PLEKHA6: variants seen among roughly 807,000 people sequenced by gnomAD.
PLEKHA6 encodes pleckstrin homology domain containing A6, also known as pleckstrin homology domain-containing family A member 6.
In PLEKHA6, 60 loss-of-function variants were observed where a neutral mutation model predicts 116.7. The observed-to-expected ratio is 0.51, with a 90% CI of 0.42 to 0.64. PLEKHA6 has a LOEUF of 0.64. Ranked by LOEUF, PLEKHA6 falls within the 30% of genes least tolerant of loss-of-function variation. PLEKHA6 has a pLI of 0.00. For synonymous variants in PLEKHA6, 489 were observed against 556.1 expected (o/e 0.88, Z 1.70); for missense variants, 1,338 against 1,422.7 (o/e 0.94, Z 0.96).
intron 13 of PLEKHA6, among the ~76,000 whole-genome samples, chr1:204,246,996 C>A (rs1208098190): frequency 6.6e-6 from 1 of 152,112 alleles, no homozygotes; most frequent in Non-Finnish European, 1.5e-5. Context: ...ACTAGCCAAG[C>A]ATGGTGGTTC....
intron 1 of PLEKHA6, among the ~76,000 whole-genome samples, chr1:204,281,962 C>T (rs1458912046): frequency 6.6e-6 from 1 of 152,172 alleles, no homozygotes; most frequent in African/African-American, 2.4e-5. Context: ...TACGTGAGCT[C>T]AGCTCCCACC....
chr1:204,260,593 T>A (rs946006041), intron 7 of PLEKHA6, among the ~76,000 whole-genome samples: 1 of 152,232 alleles, frequency 6.6e-6, no homozygotes, highest in Non-Finnish European at 1.5e-5. Flanking sequence ...CTTCCCAAAC[T>A]CCACATATTC....
intron 1 of PLEKHA6, among the ~76,000 whole-genome samples, chr1:204,324,756 T>G (rs1460082328): frequency 6.6e-6 from 1 of 152,142 alleles, no homozygotes; most frequent in African/African-American, 2.4e-5. Context: ...TTACTAAACC[T>G]TCCATAGATA....
chr1:204,237,881 C>A (rs1255321511), intron 17 of PLEKHA6, among the ~76,000 whole-genome samples: 1 of 152,224 alleles, frequency 6.6e-6, no homozygotes, highest in Non-Finnish European at 1.5e-5. Context: ...AAGTAGCAAA[C>A]ACACTGGACT....
chr1:204,333,679 C>T (rs1161004859), intron 1 of PLEKHA6, among the ~76,000 whole-genome samples: 2 of 152,148 alleles, frequency 1.3e-5, no homozygotes, highest in Non-Finnish European at 2.9e-5. Flanking sequence ...CTCTCTCACC[C>T]GCTTCAGCAG....
At chr1:204,281,296 C>T (rs529553867) in intron 1 of PLEKHA6, among the ~76,000 whole-genome samples, 28 of 152,234 alleles carry the variant, frequency 1.8e-4, no homozygotes, top group African/African-American at 6.0e-4. Flanking sequence ...GAGGCAGAGG[C>T]GGGCAGATCA....
chr1:204,267,316 G>A (rs1009509791), intron 5 of PLEKHA6, among the ~76,000 whole-genome samples, 159 bp downstream of exon 5: 1 of 152,148 alleles, frequency 6.6e-6, no homozygotes, highest in African/African-American at 2.4e-5. Context: ...GAACAAGTGA[G>A]CTTTGTTTTT....
upstream of PLEKHA6, among the ~76,000 whole-genome samples, chr1:204,362,924 C>A (rs10494853): frequency 2.3e-4 from 35 of 152,142 alleles, no homozygotes; most frequent in Non-Finnish European, 4.4e-4. Flanking sequence ...CTTGACTATC[C>A]AGCCTGTTTT....
intron 3 of PLEKHA6, among the ~76,000 whole-genome samples, chr1:204,272,829 C>T (rs1280521723): frequency 6.6e-6 from 1 of 152,218 alleles, no homozygotes; most frequent in Admixed American, 6.5e-5. Context: ...CAGGATTTAT[C>T]CTTGTTAATA....
chr1:204,327,747 C>G (rs1170800724), intron 1 of PLEKHA6, among the ~76,000 whole-genome samples: 1 of 152,260 alleles, frequency 6.6e-6, no homozygotes, highest in Non-Finnish European at 1.5e-5. Context: ...GGGCAAGAGA[C>G]AGCCCAGGCC....
At chr1:204,245,958 G>C (rs1004453194) in intron 13 of PLEKHA6, among the ~76,000 whole-genome samples, 2 of 152,158 alleles carry the variant, frequency 1.3e-5, no homozygotes, top group African/African-American at 4.8e-5. Context: ...AATTGCCCGA[G>C]TTTCTGAACC....
At chr1:204,347,397 C>G in intron 1 of PLEKHA6, 2 of 549,482 alleles carry the variant, frequency 3.6e-6, no homozygotes, top group Non-Finnish European at 6.5e-6. Flanking sequence ...CTAAACACTG[C>G]TGTTATCCTG....
chr1:204,350,438 T>G (rs1293949404), intron 1 of PLEKHA6, among the ~76,000 whole-genome samples: 1 of 152,214 alleles, frequency 6.6e-6, no homozygotes, highest in African/African-American at 2.4e-5. Flanking sequence ...AAGAGCCATG[T>G]CTCTAATTTG....
At chr1:204,249,285 G>C in intron 10 of PLEKHA6, 21 bp from the exon 11 acceptor site, 2 of 1,540,174 alleles carry the variant, frequency 1.3e-6, no homozygotes, top group Middle Eastern at 3.4e-4. Context: ...AGAGAGTGGA[G>C]AAGGAGAGGG....
At chr1:204,363,569 G>C (rs1046377345), upstream of PLEKHA6, among the ~76,000 whole-genome samples, 1 of 152,218 alleles carries the variant, frequency 6.6e-6, no homozygotes, top group Admixed American at 6.5e-5. Context: ...CTTGGGGACA[G>C]AACTGGCCAG....
rs1184201505 is a variant in PLEKHA6 at position 204,304,765 on chromosome 1, A to T, written c.-94-29956T>A. On this transcript the variant is annotated intron_variant, in intron 1 of 22. Coordinates refer to ENST00000272203, the MANE Select transcript of PLEKHA6 (RefSeq NM_014935.5). ...CCTTTTAGCTTGAGCCTAAAAATTA[A>T]GAGAAAGATCCTACGCTTTTGGGAT... 2.0e-5 allele frequency among the ~76,000 whole-genome samples: 3 copies of T among 152,248 alleles called. No homozygotes were observed. In the East Asian group the frequency reaches 5.8e-4, roughly 29 times the overall value.
chr1:204,261,352 G>A lies in PLEKHA6; in HGVS notation c.478C>T (p.Gln160Ter). Reference sequence around the variant, plus strand: ...ACTGACTTCTGGGCTGGAGGGATCTGTACTCGAGCAGCCTCCCCCATGGCC... The same window carrying A: ...ACTGACTTCTGGGCTGGAGGGATCTATACTCGAGCAGCCTCCCCCATGGCC... ...IQAMGEAARVQIPPAQKSVPQ... is the reference protein window; with the variant it reads ...IQAMGEAARV Residue 160 changes from glutamine (Q) to a stop codon, truncating the protein, a stop_gained, in exon 7 of 23, where the codon CAG becomes TAG. Transcript: ENST00000272203. LOFTEE classifies it high-confidence loss of function. The surrounding 1 kb of genome is among the most constrained non-coding windows in gnomAD (Gnocchi z 4.0). The A allele has an allele frequency of 6.2e-7, 1 of 1,614,156 alleles. No individual in the cohort carries two copies. Among genetic ancestry groups the A allele is most frequent in the Non-Finnish European group, 8.5e-7 (1 of 1,180,014 alleles).
chr1:204,299,690 A>C, intron 1 of PLEKHA6: 3 of 960,860 alleles, frequency 3.1e-6, no homozygotes, highest in Non-Finnish European at 3.7e-6. Context: ...TCAGGCTAAG[A>C]GGTTTAACCT....
chr1:204,251,118 A>G (rs1042291961), intron 9 of PLEKHA6, among the ~76,000 whole-genome samples: 2 of 152,214 alleles, frequency 1.3e-5, no homozygotes, highest in African/African-American at 2.4e-5. Context: ...GATCCAGTAA[A>G]TGCTGCCTAG....
Sources: allele counts gnomAD v4.1 joint callset (sites outside exome capture counted in the v4.1 genomes callset), GRCh38; gene constraint gnomAD v4.1.1; non-coding constraint Gnocchi (gnomAD v3.1); transcripts MANE v1.5; gene names NCBI Gene and HGNC (gene_info 2026-07-23, HGNC 2026-07-21).